The following STAP1 variants were observed in gnomAD, a reference collection of about 807,000 sequenced individuals.
The protein encoded by STAP1 is signal transducing adaptor family member 1, also known as signal-transducing adaptor protein 1.
A neutral mutation model predicts 37.8 loss-of-function variants in STAP1; 30 were observed. That is an observed-to-expected ratio of 0.79 (90% CI 0.59 to 1.08). The LOEUF is 1.08. STAP1 is among the 50% of genes least tolerant of loss of function. The probability of loss-of-function intolerance (pLI) is 0.00; values close to 1 mark genes in which losing one functional copy is unlikely to be tolerated. For synonymous variants in STAP1, 130 were observed against 116.0 expected (o/e 1.12, Z -0.78); for missense variants, 357 against 349.4 (o/e 1.02, Z -0.17).
intron 5 of STAP1, among the ~76,000 whole-genome samples, 176 bp downstream of exon 5, chr4:67,581,647 T>C (rs1198045041): frequency 6.6e-6 from 1 of 152,196 alleles, no homozygotes; most frequent in African/African-American, 2.4e-5. Context: ...ATCAACAAAA[T>C]GCAGATTTGA....
chr4:67,593,146 A>C, intron 7 of STAP1, 114 bp from the exon 8 acceptor site: 1 of 674,888 alleles, frequency 1.5e-6, no homozygotes, highest in Non-Finnish European at 2.5e-6. Flanking sequence ...GTCATACAGT[A>C]AGCCATTGAA....
chr4:67,559,109 C>G (rs1727277779), intron 1 of STAP1, among the ~76,000 whole-genome samples, 180 bp downstream of exon 1: 3 of 151,982 alleles, frequency 2.0e-5, no homozygotes, highest in East Asian at 3.8e-4. Flanking sequence ...CTGGCTTAAA[C>G]CTGTATGTAT....
chr4:67,566,533 A>T (rs1396716838), intron 1 of STAP1, among the ~76,000 whole-genome samples: 7 of 152,050 alleles, frequency 4.6e-5, no homozygotes, highest in African/African-American at 1.7e-4. Context: ...AGAGCAGTAC[A>T]CTCACTCTCT....
chr4:67,570,876 G>T (rs1208621090), intron 1 of STAP1, among the ~76,000 whole-genome samples: 1 of 152,112 alleles, frequency 6.6e-6, no homozygotes, highest in Non-Finnish European at 1.5e-5. Context: ...GGAGAGTCCA[G>T]CCTGGGGGAC....
intron 8 of STAP1, among the ~76,000 whole-genome samples, chr4:67,605,741 AAACTTTGTGG>A (rs1303782949): frequency 2.0e-5 from 3 of 152,224 alleles, no homozygotes; most frequent in African/African-American, 7.2e-5. Context: ...TATTTTAAGA[AAACTTTGTGG>A]AACCCTAACA....
rs370096357 is a variant in STAP1, at chr4:67,591,001, T to C, written c.729+48T>C. 8 of 1,468,140 alleles carry C rather than the reference T, an allele frequency of 5.4e-6. No homozygotes were observed. In the African/African-American group the frequency reaches 1.1e-4, roughly 21 times the overall value. 90.9% of individuals were successfully genotyped at this position (1,468,140 alleles called of 1,614,324 possible). A position where few individuals can be genotyped will look rare whatever the true frequency, so the allele number is the denominator to read the frequency against. Reference sequence around the variant, plus strand: ...GTTGATGAACTTCCTCCCGATTCCTTATAGCCTCCTAGTGCTGGCAAAAAG... The same window carrying C: ...GTTGATGAACTTCCTCCCGATTCCTCATAGCCTCCTAGTGCTGGCAAAAAG... On this transcript the variant is annotated intron_variant, in intron 7 of 8. Coordinates refer to ENST00000265404, the MANE Select transcript of STAP1 (RefSeq NM_012108.4).
intron 8 of STAP1, 113 bp downstream of exon 8, chr4:67,593,469 C>A: frequency 2.8e-6 from 2 of 712,588 alleles, no homozygotes; most frequent in Non-Finnish European, 4.7e-6. Context: ...GTAGTTCAGT[C>A]TTTAAATTTA....
chr4:67,571,657 A>G (rs1727609101), intron 2 of STAP1, among the ~76,000 whole-genome samples: 1 of 152,230 alleles, frequency 6.6e-6, no homozygotes, highest in Non-Finnish European at 1.5e-5. Context: ...TCTGAGGTTT[A>G]TTTATTCATA....
At chr4:67,581,717 A>G (rs755976405) in intron 5 of STAP1, among the ~76,000 whole-genome samples, 10 of 152,132 alleles carry the variant, frequency 6.6e-5, no homozygotes, top group Non-Finnish European at 1.5e-4. Flanking sequence ...ACAAATAGAT[A>G]CTCTTTCCAG....
Position 67,568,701 on chromosome 4 carries a change from A to G in STAP1, c.121-2383A>G, listed in dbSNP as rs1165992059. Among the ~76,000 whole-genome samples, 12 of 152,306 alleles carry G rather than the reference A, an allele frequency of 7.9e-5. No individual in the cohort carries two copies. The South Asian group carries it at 8.3e-4, about 11-fold the overall frequency. ...CAGCTTTGATGGTGTTCAATTATCA[A>G]TTTCTCACATTTTCTTGATCTGTCA... On this transcript the variant is annotated intron_variant, in intron 1 of 8. Transcript: ENST00000265404.
At chr4:67,580,904 A>T (rs1405228384) in intron 4 of STAP1, among the ~76,000 whole-genome samples, 1 of 152,238 alleles carries the variant, frequency 6.6e-6, no homozygotes, top group Non-Finnish European at 1.5e-5. Context: ...GGCTGGGGGA[A>T]ATCTTTTCAG....
At chr4:67,575,554 C>G (rs1727701979) in intron 3 of STAP1, 56 bp downstream of exon 3, 1 of 1,229,258 alleles carries the variant, frequency 8.1e-7, no homozygotes, top group Non-Finnish European at 1.2e-6. Context: ...TAACATTCTT[C>G]ACATCCAGTG....
intron 6 of STAP1, among the ~76,000 whole-genome samples, chr4:67,584,596 A>C (rs1481784557): frequency 6.6e-6 from 1 of 152,212 alleles, no homozygotes; most frequent in Non-Finnish European, 1.5e-5. Flanking sequence ...TTATTGACTG[A>C]TTTAAGCAGA....
rs793888522 is a variant in STAP1 at position 67,571,102 on chromosome 4, A to G, written c.139A>G (p.Thr47Ala). ...CCCACAGGAGTATGAGCATTACTGG[A>G]CAGAGTTGAGAGGAACTACTCTTTT... Reference protein sequence around the residue: ...SGYREYEHYWTELRGTTLFFY... With the variant: ...SGYREYEHYWAELRGTTLFFY... Residue 47 changes from threonine to alanine, a missense_variant, in exon 2 of 9, where the codon ACA (threonine) becomes GCA (alanine). By Grantham distance (58) the Thr-to-Ala change is moderately conservative. Coordinates refer to ENST00000265404, the MANE Select transcript of STAP1 (RefSeq NM_012108.4). The G allele has an allele frequency of 5.6e-6, 9 of 1,611,602 alleles. No individual in the cohort carries two copies. The highest frequency in any genetic ancestry group is 2.2e-5 in the East Asian group (1 of 44,824).
intron 6 of STAP1, among the ~76,000 whole-genome samples, chr4:67,586,389 G>A (rs773644071): frequency 2.0e-5 from 3 of 152,102 alleles, no homozygotes; most frequent in South Asian, 2.1e-4. Flanking sequence ...CCTGGGAGGC[G>A]GAGGTTGCAG....
In STAP1 at chr4:67,561,893, G is replaced by A. The variant is rs574864527; in HGVS notation, c.120+2964G>A. Among the ~76,000 whole-genome samples, 22 of 151,944 alleles carry A rather than the reference G, an allele frequency of 1.4e-4. No individual in the cohort carries two copies. In the East Asian group the frequency reaches 3.3e-3, roughly 23 times the overall value. ...TGGAGACCAACCTGTTCAACATGGC[G>A]AAACCCCGTCTCTACTAAAAATACA... is the stretch of plus-strand genomic sequence containing the variant. On this transcript the variant is annotated intron_variant, in intron 1 of 8. Coordinates refer to ENST00000265404, the MANE Select transcript of STAP1 (RefSeq NM_012108.4).
At chr4:67,559,055 G>C in intron 1 of STAP1, 126 bp downstream of exon 1, 2 of 1,004,450 alleles carry the variant, frequency 2.0e-6, no homozygotes, top group Non-Finnish European at 2.7e-6. Context: ...TCTTCTTTGA[G>C]CTCAGAAAAA....
At chr4:67,597,191 GGGTTGA>G (rs1282471757) in intron 8 of STAP1, among the ~76,000 whole-genome samples, 1 of 152,242 alleles carries the variant, frequency 6.6e-6, no homozygotes, top group Non-Finnish European at 1.5e-5. Context: ...TGGCTAAAAG[GGGTTGA>G]GGTACAGCTC....
At chr4:67,567,970 T>TA (rs1314917424) in intron 1 of STAP1, among the ~76,000 whole-genome samples, 1 of 152,250 alleles carries the variant, frequency 6.6e-6, no homozygotes, top group Non-Finnish European at 1.5e-5. Context: ...GGTGACTTGT[T>TA]ACATGGGAGA....
Sources: allele counts gnomAD v4.1 joint callset (sites outside exome capture counted in the v4.1 genomes callset), GRCh38; gene constraint gnomAD v4.1.1; transcripts MANE v1.5; gene names NCBI Gene and HGNC (gene_info 2026-07-23, HGNC 2026-07-21).